The following CADM2 variants were observed in gnomAD, a reference collection of about 807,000 sequenced individuals.
The protein encoded by CADM2 is immunoglobulin superfamily member 4D.
Under a neutral mutation model 49.8 loss-of-function variants are expected in CADM2, and 12 were observed. The ratio of observed to expected loss-of-function variants is 0.24; its 90% CI spans 0.15 to 0.39. The LOEUF is 0.39. CADM2 is among the 10% of genes least tolerant of loss of function. The pLI, the probability that CADM2 is intolerant of heterozygous loss-of-function variation, is 1.00. For synonymous variants in CADM2, 214 were observed against 175.4 expected (o/e 1.22, Z -1.74); for missense variants, 378 against 492.3 (o/e 0.77, Z 2.20).
At position 85,810,701 on chromosome 3, in the gene CADM2, G is replaced by A. The variant is rs150042060; in HGVS notation, c.238+8505G>A. On this transcript the variant is annotated intron_variant, in intron 3 of 9. Transcript: ENST00000383699. ...ACTATACATGTGCACCACCATACCT[G>A]GCTAATTTTTGTATTTTTAGTAGAG... Among the ~76,000 whole-genome samples, 618 of 151,722 alleles carry A rather than the reference G, an allele frequency of 4.1e-3. 2 individuals carry two copies. Among genetic ancestry groups the A allele is most frequent in the African/African-American group, 0.014 (567 of 41,378 alleles).
intron 2 of CADM2, among the ~76,000 whole-genome samples, chr3:85,778,903 T>A (rs957597702): frequency 5.3e-5 from 8 of 152,164 alleles, no homozygotes; most frequent in Admixed American, 5.2e-4. Context: ...ATACACTTTA[T>A]CTTCATTGTG....
At chr3:85,792,339 T>G (rs2071383719) in intron 2 of CADM2, among the ~76,000 whole-genome samples, 1 of 152,222 alleles carries the variant, frequency 6.6e-6, no homozygotes, top group African/African-American at 2.4e-5. Flanking sequence ...CTTTTATACT[T>G]TATTATTGAA....
rs1181801858 is a variant in CADM2, at chr3:85,053,991, A to G, written c.61+94323A>G. ...TGATATTTCTTCTGTTAAAAGAGCA[A>G]AGTAATTTCAAAATGCTTTATTTAA... is the stretch of plus-strand genomic sequence containing the variant. On this transcript the variant is annotated intron_variant, in intron 1 of 9. Transcript: ENST00000383699. Among the ~76,000 whole-genome samples the G allele has an allele frequency of 2.0e-5, 3 of 151,990 alleles. No individual in the cohort carries two copies. The East Asian group carries it at 5.8e-4, about 29-fold the overall frequency.
chr3:86,015,046 C>T (rs373007052), intron 8 of CADM2: 32 of 800,570 alleles, frequency 4.0e-5, no homozygotes, highest in African/African-American at 2.2e-4. Flanking sequence ...GATTTAATGG[C>T]GGACACACAC....
intron 1 of CADM2, among the ~76,000 whole-genome samples, chr3:85,447,735 C>A (rs558433601): frequency 3.2e-4 from 48 of 152,278 alleles, no homozygotes; most frequent in Middle Eastern, 6.8e-3. Context: ...GAATCAGAAA[C>A]ATTTCTGATT....
intron 1 of CADM2, among the ~76,000 whole-genome samples, chr3:85,195,611 CA>C (rs1470533710): frequency 6.6e-6 from 1 of 151,642 alleles, no homozygotes; most frequent in Non-Finnish European, 1.5e-5. Flanking sequence ...AGTAGAGCCA[CA>C]ATATCTAGTT....
chr3:85,479,682 C>G (rs2039129367), intron 1 of CADM2, among the ~76,000 whole-genome samples: 1 of 151,854 alleles, frequency 6.6e-6, no homozygotes, highest in African/African-American at 2.4e-5. Context: ...GTAATTTACC[C>G]TAGAAGAAAG....
intron 1 of CADM2, among the ~76,000 whole-genome samples, chr3:85,370,463 TA>T (rs1312629748): frequency 6.6e-6 from 1 of 151,580 alleles, no homozygotes; most frequent in Non-Finnish European, 1.5e-5. Context: ...ATAATGGAGC[TA>T]AAAAATTCCT....
At chr3:85,300,092 C>A (rs2044057875) in intron 1 of CADM2, among the ~76,000 whole-genome samples, 1 of 151,954 alleles carries the variant, frequency 6.6e-6, no homozygotes, top group Non-Finnish European at 1.5e-5. Flanking sequence ...GGCTGTTTAA[C>A]CGCATTTTCA....
intron 1 of CADM2, among the ~76,000 whole-genome samples, chr3:85,389,985 C>T (rs1204431018): frequency 1.3e-5 from 2 of 151,886 alleles, no homozygotes; most frequent in African/African-American, 4.8e-5. Context: ...AACAAGTCAG[C>T]ATCCTAATTT....
chr3:85,982,260 C>T (rs1727567838), intron 8 of CADM2, among the ~76,000 whole-genome samples: 1 of 151,428 alleles, frequency 6.6e-6, no homozygotes, highest in South Asian at 2.1e-4. Flanking sequence ...TTTTTGTAAA[C>T]TTTACACCAT....
chr3:85,261,015 G>T (rs1424700763), intron 1 of CADM2, among the ~76,000 whole-genome samples: 1 of 152,044 alleles, frequency 6.6e-6, no homozygotes, highest in Non-Finnish European at 1.5e-5. Flanking sequence ...TTTTGATGAA[G>T]AAAAATATGT....
intron 1 of CADM2, among the ~76,000 whole-genome samples, chr3:85,228,886 G>T (rs1346745796): frequency 6.6e-6 from 1 of 152,170 alleles, no homozygotes; most frequent in Non-Finnish European, 1.5e-5. Context: ...AGAGCTGTCA[G>T]GGAGGGACAT....
At chr3:85,158,395 T>C (rs2040210035) in intron 1 of CADM2, among the ~76,000 whole-genome samples, 1 of 152,196 alleles carries the variant, frequency 6.6e-6, no homozygotes, top group Non-Finnish European at 1.5e-5. Flanking sequence ...TCCACACGTA[T>C]GTTTACTGCG....
chr3:85,112,934 A>G (rs903053571), intron 1 of CADM2, among the ~76,000 whole-genome samples: 9 of 151,886 alleles, frequency 5.9e-5, no homozygotes, highest in South Asian at 4.1e-4. Context: ...TATATTTTAT[A>G]TGTATTTATA....
intron 2 of CADM2, among the ~76,000 whole-genome samples, chr3:85,733,678 C>A (rs563699248): frequency 2.0e-4 from 31 of 152,100 alleles, no homozygotes; most frequent in Non-Finnish European, 8.8e-5. Context: ...GCCATGAAAA[C>A]AAGGCTCAAT....
chr3:85,162,766 A>G (rs957581510), intron 1 of CADM2, among the ~76,000 whole-genome samples: 2 of 151,958 alleles, frequency 1.3e-5, no homozygotes, highest in Non-Finnish European at 2.9e-5. Context: ...TATAGATTTT[A>G]ATTACACAAC....
At chr3:85,169,705 A>G (rs1271576664) in intron 1 of CADM2, among the ~76,000 whole-genome samples, 1 of 152,156 alleles carries the variant, frequency 6.6e-6, no homozygotes, top group Non-Finnish European at 1.5e-5. Context: ...CCTGGAGACG[A>G]AGGTTGCAGT....
intron 1 of CADM2, among the ~76,000 whole-genome samples, chr3:85,532,799 C>T (rs1486946147): frequency 6.6e-6 from 1 of 152,158 alleles, no homozygotes; most frequent in African/African-American, 2.4e-5. Context: ...AAATGTGGTA[C>T]ATATATGCCA....
Sources: gnomAD v4.1 joint callset for allele counts (sites outside exome capture counted in the v4.1 genomes callset) on GRCh38, gnomAD v4.1.1 for gene constraint, MANE v1.5 for transcripts, NCBI Gene and HGNC (gene_info 2026-07-23, HGNC 2026-07-21) for gene names.